Variants in ALK observed in about 807,000 individuals in gnomAD.
ALK encodes ALK tyrosine kinase receptor.
Under a neutral mutation model 163.1 loss-of-function variants are expected in ALK, and 74 were observed. The observed-to-expected ratio is 0.45, with a 90% CI of 0.38 to 0.55. The LOEUF (loss-of-function observed/expected upper bound fraction) is 0.55, where lower values mean the gene tolerates loss of function less well. Among genes scored for constraint, ALK ranks in the 20% least tolerant of loss-of-function variants. ALK has a pLI of 0.00. For synonymous variants in ALK, 960 were observed against 843.2 expected, an observed-to-expected ratio of 1.14 and a Z score of -2.40; for missense variants, 2,063 against 2,105.3, an observed-to-expected ratio of 0.98 and a Z score of 0.39.
intron 3 of ALK, among the ~76,000 whole-genome samples, chr2:29,617,768 T>C (rs576180066): frequency 1.0e-3 from 154 of 152,280 alleles, no homozygotes; most frequent in African/African-American, 3.6e-3. Context: ...ATTGTAACAG[T>C]CTTGAATGAA....
intron 4 of ALK, among the ~76,000 whole-genome samples, chr2:29,489,342 G>T (rs1671848481): frequency 2.0e-5 from 3 of 152,142 alleles, no homozygotes; most frequent in Admixed American, 2.0e-4. Context: ...GTCTTGCTCT[G>T]TTGCCCAGGC....
intron 4 of ALK, among the ~76,000 whole-genome samples, chr2:29,495,385 C>T (rs77399384): frequency 0.011 from 1,683 of 152,232 alleles, 34 homozygotes; most frequent in African/African-American, 0.038. Flanking sequence ...GGTATGTTCC[C>T]GAGTCAAGGT....
chr2:29,478,204 A>T (rs1671573716), intron 4 of ALK, among the ~76,000 whole-genome samples: 1 of 152,236 alleles, frequency 6.6e-6, no homozygotes, highest in African/African-American at 2.4e-5. Flanking sequence ...GAATGGAAAC[A>T]TACATATGAA....
intron 1 of ALK, among the ~76,000 whole-genome samples, chr2:29,847,792 T>TA (rs1488175939): frequency 3.5e-5 from 5 of 142,884 alleles, no homozygotes; most frequent in Admixed American, 7.3e-5. Context: ...GGGGAAGGGG[T>TA]AAAAAAAGAG....
chr2:29,582,640 C>T (rs139174025), intron 3 of ALK, among the ~76,000 whole-genome samples: 23 of 152,248 alleles, frequency 1.5e-4, no homozygotes, highest in African/African-American at 5.3e-4. Flanking sequence ...ACAGTCATTC[C>T]GAGGAACAGG....
intron 2 of ALK, among the ~76,000 whole-genome samples, chr2:29,706,763 T>C (rs1289145438): frequency 1.3e-5 from 2 of 152,144 alleles, no homozygotes; most frequent in African/African-American, 2.4e-5. Flanking sequence ...CTCTTAATCA[T>C]AGAACAGAAA....
intron 5 of ALK, among the ~76,000 whole-genome samples, chr2:29,348,660 T>C (rs145062706): frequency 1.3e-5 from 2 of 152,346 alleles, no homozygotes; most frequent in East Asian, 3.9e-4. Flanking sequence ...AGAAACACTT[T>C]GACACATGTT....
chr2:29,622,744 G>A (rs754956021), intron 3 of ALK, among the ~76,000 whole-genome samples: 12 of 152,174 alleles, frequency 7.9e-5, no homozygotes, highest in Admixed American at 3.3e-4. Flanking sequence ...CTCTGCACAT[G>A]CTCTTCCCTT....
rs1333697872 is a variant in ALK, at chr2:29,213,983, C to G, written c.3743+1G>C. On this transcript the variant is annotated splice_donor_variant, in intron 24 of 28. Transcript: ENST00000389048. LOFTEE classifies it high-confidence loss of function. ...GGAAGAGCACAGTCACTTTGACTCA[C>G]CGGTGGATGAAGTGGTTTTCCTCCA... is the stretch of plus-strand genomic sequence containing the variant. 1.2e-6 allele frequency: 2 copies of G among 1,613,106 alleles called. No individual in the cohort carries two copies. Among genetic ancestry groups the G allele is most frequent in the Non-Finnish European group, 1.7e-6 (2 of 1,179,262 alleles).
intron 27 of ALK, 122 bp from the exon 28 acceptor site, chr2:29,196,982 C>T (rs1573083584): frequency 2.6e-6 from 2 of 781,498 alleles, no homozygotes; most frequent in East Asian, 2.6e-5. Flanking sequence ...GCCCCGTGTA[C>T]TTGGCCTATG....
At chr2:29,342,907 G>A (rs1212862408) in intron 5 of ALK, among the ~76,000 whole-genome samples, 1 of 128,276 alleles carries the variant, frequency 7.8e-6, no homozygotes, top group African/African-American at 2.9e-5. Flanking sequence ...TTTTGATATG[G>A]AGTCTCGCTC....
At position 29,193,495 on chromosome 2, in the gene ALK, C is replaced by T. The variant is rs1668933433; in HGVS notation, c.4592G>A (p.Gly1531Asp). 1 of 1,614,206 alleles carries T rather than the reference C, an allele frequency of 6.2e-7. No homozygotes were observed. The highest frequency in any genetic ancestry group is 8.5e-7 in the Non-Finnish European group (1 of 1,180,026). Reference protein sequence around the residue: ...PIAKKEPHDRGNLGLEGSCTV... With the variant: ...PIAKKEPHDRDNLGLEGSCTV... ...ACAGCTTCCCTCCAGCCCCAGGTTACCCCTGTCGTGTGGCTCCTTCTTTGC... is the reference window on the plus strand; with the variant it reads ...ACAGCTTCCCTCCAGCCCCAGGTTATCCCTGTCGTGTGGCTCCTTCTTTGC... The change falls in exon 29 of 29, where the codon GGT becomes GAT. Residue 1531 changes from glycine to aspartate, a missense_variant. This residue lies in a region of ALK where 403 missense variants were observed against 366.2 expected (regional missense o/e 1.10). Coordinates refer to ENST00000389048, the MANE Select transcript of ALK (RefSeq NM_004304.5).
chr2:29,399,659 G>C (rs1435233784), intron 4 of ALK, among the ~76,000 whole-genome samples: 1 of 152,182 alleles, frequency 6.6e-6, no homozygotes, highest in Non-Finnish European at 1.5e-5. Context: ...GGCCACCATG[G>C]TGTCTGCCTG....
intron 3 of ALK, among the ~76,000 whole-genome samples, chr2:29,591,072 A>AAC (rs1675043436): frequency 8.3e-5 from 3 of 36,172 alleles, no homozygotes; most frequent in Non-Finnish European, 1.2e-4. Context: ...CTCCGTCTCA[A>AAC]AAAAAAAAAA....
intron 1 of ALK, among the ~76,000 whole-genome samples, chr2:29,845,357 C>T (rs144686499): frequency 2.6e-5 from 4 of 152,276 alleles, no homozygotes; most frequent in East Asian, 3.9e-4. Flanking sequence ...TAAGGTTTCA[C>T]GGTTAAGTAA....
intron 9 of ALK, among the ~76,000 whole-genome samples, chr2:29,287,583 T>C (rs1308182087): frequency 1.3e-5 from 2 of 151,830 alleles, no homozygotes; most frequent in African/African-American, 4.8e-5. Context: ...GTACGAAGCA[T>C]AAAAACCAGC....
chr2:29,551,754 G>A (rs551653818), intron 3 of ALK, among the ~76,000 whole-genome samples: 3 of 151,982 alleles, frequency 2.0e-5, no homozygotes, highest in Non-Finnish European at 4.4e-5. Context: ...TCACCAAAAT[G>A]TAAAATGGGT....
rs1467551817 is a variant in ALK at position 29,705,279 on chromosome 2, A to C, written c.788-10265T>G. 5.6e-3 allele frequency among the ~76,000 whole-genome samples: 198 copies of C among 35,090 alleles called. 4 individuals are homozygous for C. The highest frequency in any genetic ancestry group is 0.051 in the African/African-American group (194 of 3,812). 23.0% of individuals were successfully genotyped at this position (35,090 alleles called of 152,430 possible). On this transcript the variant is annotated intron_variant, in intron 2 of 28. Transcript: ENST00000389048. ...TATATATATATATATATATATATAT[A>C]TAAATATATATCTGCTGTGATGATT...
intron 3 of ALK, among the ~76,000 whole-genome samples, chr2:29,572,085 T>C (rs1000310544): frequency 2.0e-5 from 3 of 152,188 alleles, no homozygotes; most frequent in Admixed American, 6.5e-5. Flanking sequence ...CGCTTAACTT[T>C]GTATCCTGCA....
Sources: gnomAD v4.1 joint callset for allele counts (sites outside exome capture counted in the v4.1 genomes callset) on GRCh38, gnomAD v4.1.1 for gene constraint, gnomAD v4.1.1 regional missense constraint, MANE v1.5 for transcripts, NCBI Gene and HGNC (gene_info 2026-07-23, HGNC 2026-07-21) for gene names.